SOS1: variants seen among roughly 807,000 people sequenced by gnomAD.
The protein encoded by SOS1 is son of sevenless homolog 1.
In SOS1, 25 loss-of-function variants were observed where a neutral mutation model predicts 157.6. The ratio of observed to expected loss-of-function variants is 0.16; its 90% CI spans 0.12 to 0.22. The LOEUF (loss-of-function observed/expected upper bound fraction) is 0.22, where lower values mean the gene tolerates loss of function less well. Ranked by LOEUF, SOS1 falls within the 10% of genes least tolerant of loss-of-function variation. SOS1 has a pLI of 1.00. For synonymous variants in SOS1, 528 were observed against 534.0 expected (o/e 0.99, Z 0.16); for missense variants, 1,237 against 1,599.1 (o/e 0.77, Z 3.86).
chr2:39,028,812 T>C (rs994611728), intron 8 of SOS1, among the ~76,000 whole-genome samples: 4 of 152,220 alleles, frequency 2.6e-5, no homozygotes, highest in Non-Finnish European at 5.9e-5. Flanking sequence ...ATTATATACA[T>C]AGAGCTCATC....
chr2:39,109,112 T>C (rs1183420015), intron 1 of SOS1, among the ~76,000 whole-genome samples: 3 of 152,108 alleles, frequency 2.0e-5, no homozygotes, highest in Non-Finnish European at 2.9e-5. Context: ...GGTGGGAGGA[T>C]TGCTGGACCC....
Position 39,105,232 on chromosome 2 carries a change from T to C in SOS1, c.87+15104A>G, listed in dbSNP as rs145721190. Among the ~76,000 whole-genome samples, 5 of 152,164 alleles carry C rather than the reference T, an allele frequency of 3.3e-5. No individual in the cohort carries two copies. The East Asian group carries it at 9.6e-4, about 29-fold the overall frequency. ...CTTACTACAAAAAGTTTGTATCAAT[T>C]AAAAACAACTTAAATTCTGTCAAGA... On this transcript the variant is annotated intron_variant, in intron 1 of 22. Transcript: ENST00000402219.
At chr2:39,045,249 A>AGAGG (rs1330838634) in intron 6 of SOS1, among the ~76,000 whole-genome samples, 346 of 26,598 alleles carry the variant, frequency 0.013, no homozygotes, top group African/African-American at 0.021. Context: ...AGAGGGAGAG[A>AGAGG]GAGAGAGAGA....
Position 39,083,573 on chromosome 2 carries a change from G to A in SOS1, c.88-15820C>T, listed in dbSNP as rs149046320. Among the ~76,000 whole-genome samples the A allele has an allele frequency of 7.8e-3, 1,195 of 152,248 alleles. 7 individuals are homozygous for A. The highest frequency in any genetic ancestry group is 0.014 in the Middle Eastern group (4 of 294). On this transcript the variant is annotated intron_variant, in intron 1 of 22. Transcript: ENST00000402219. Reference sequence around the variant, plus strand: ...GAGGAGTAGATGGGAGGAGAAAGATGGGAAGAGGGATCCTCAATATAGACT... The same window carrying A: ...GAGGAGTAGATGGGAGGAGAAAGATAGGAAGAGGGATCCTCAATATAGACT...
chr2:39,058,783 G>C lies in SOS1; in HGVS notation c.235C>G (p.Pro79Ala), dbSNP rs1671301191. 1 of 1,612,040 alleles carries C rather than the reference G, an allele frequency of 6.2e-7. No homozygotes were observed. Among genetic ancestry groups the C allele is most frequent in the Non-Finnish European group, 8.5e-7 (1 of 1,178,842 alleles). ...DVEERVQKSF[P>A]HPIDKWAIAD... The stretch of plus-strand genomic sequence containing the variant: ...ATTGCCCATTTATCAATTGGATGAG[G>C]GAAACTTTTTTGAACACGTTCCTTG... The change falls in exon 3 of 23, where the codon CCT (proline) becomes GCT (alanine). Residue 79 changes from proline to alanine, a missense_variant. Physicochemically the swap from Pro to Ala is conservative, Grantham distance 27 (BLOSUM62 -1). Transcript: ENST00000402219.
intron 3 of SOS1, among the ~76,000 whole-genome samples, chr2:39,058,055 CA>C (rs1180612555): frequency 6.6e-6 from 1 of 151,998 alleles, no homozygotes. Flanking sequence ...ATAGTATGTA[CA>C]AAATTACTGG....
intron 6 of SOS1, among the ~76,000 whole-genome samples, chr2:39,050,835 T>TGTG (rs1441668797): frequency 5.3e-5 from 8 of 152,208 alleles, no homozygotes; most frequent in Non-Finnish European, 8.8e-5. Flanking sequence ...GTGCAAGTTC[T>TGTG]GTGGTCTCTT....
In SOS1 at chr2:38,987,563, T is replaced by G; in HGVS notation, c.3420A>C (p.Leu1140Phe). 6.3e-7 allele frequency: 1 copy of G among 1,592,442 alleles called. No individual in the cohort carries two copies. The highest frequency in any genetic ancestry group is 8.6e-7 in the Non-Finnish European group (1 of 1,162,164). ...CAGGCACTTCATCAGTGCCTTTGGT[T>G]AAACTTATAGATGATACAGAAGCAG... The part of the protein sequence containing the change: ...PRSASVSSIS[L>F]TKGTDEVPVP... The change falls in exon 22 of 23, where the codon TTA (leucine) becomes TTC (phenylalanine). Residue 1140 changes from leucine to phenylalanine, a missense_variant. Leu to Phe is a conservative substitution (Grantham distance 22, BLOSUM62 0). Coordinates refer to ENST00000402219, the MANE Select transcript of SOS1 (RefSeq NM_005633.4).
At chr2:39,068,228 T>A (rs904568527) in intron 1 of SOS1, among the ~76,000 whole-genome samples, 6 of 152,236 alleles carry the variant, frequency 3.9e-5, no homozygotes, top group African/African-American at 1.4e-4. Context: ...CCCAGCCACA[T>A]GCTTATATGT....
intron 22 of SOS1, among the ~76,000 whole-genome samples, chr2:38,986,718 GA>G (rs990156006): frequency 8.6e-4 from 129 of 150,814 alleles, no homozygotes; most frequent in African/African-American, 3.1e-3. Flanking sequence ...TCAATTCATA[GA>G]AAAAAAAAGT....
intron 17 of SOS1, among the ~76,000 whole-genome samples, chr2:38,999,033 A>G (rs1172664415): frequency 2.0e-5 from 3 of 152,246 alleles, no homozygotes; most frequent in Non-Finnish European, 2.9e-5. Flanking sequence ...AATGCATAAC[A>G]TGCTATGAGA....
At chr2:39,007,276 A>C in intron 15 of SOS1, 83 bp from the exon 16 acceptor site, 2 of 915,474 alleles carry the variant, frequency 2.2e-6, no homozygotes, top group Non-Finnish European at 3.6e-6. Context: ...AAATAAAATA[A>C]TGTAGAGAGT....
At chr2:39,047,515 C>T (rs193005075) in intron 6 of SOS1, among the ~76,000 whole-genome samples, 2,521 of 152,230 alleles carry the variant, frequency 0.017, 27 homozygotes, top group Non-Finnish European at 0.023. Context: ...TCCATGGTTT[C>T]AAAATACATT....
At chr2:39,115,715 G>T (rs953948438) in intron 1 of SOS1, among the ~76,000 whole-genome samples, 8 of 152,172 alleles carry the variant, frequency 5.3e-5, no homozygotes, top group African/African-American at 1.9e-4. Flanking sequence ...TGGGATTACA[G>T]GTGTGAGCCA....
intron 6 of SOS1, among the ~76,000 whole-genome samples, chr2:39,039,861 CTT>C (rs1344789160): frequency 1.3e-5 from 2 of 152,142 alleles, no homozygotes; most frequent in African/African-American, 4.8e-5. Context: ...CATAAATCTA[CTT>C]TTTGTCTCCA....
chr2:39,015,977 TA>T (rs1030087784), intron 10 of SOS1, among the ~76,000 whole-genome samples: 6 of 151,938 alleles, frequency 3.9e-5, no homozygotes, highest in African/African-American at 1.4e-4. Flanking sequence ...CAAAGTTTTA[TA>T]AGAAGCACAA....
At chr2:38,995,419 T>TA (rs754925552) in intron 19 of SOS1, 32 bp from the exon 20 acceptor site, 46 of 1,582,638 alleles carry the variant, frequency 2.9e-5, no homozygotes, top group Middle Eastern at 1.7e-4. Context: ...CACAATACTT[T>TA]AAACACTGTA....
At chr2:38,997,108 T>A in intron 18 of SOS1, 70 bp from the exon 19 acceptor site, 1 of 1,073,456 alleles carries the variant, frequency 9.3e-7, no homozygotes, top group East Asian at 2.6e-5. Flanking sequence ...TCATGGAAAG[T>A]TAAGAAAACA....
At chr2:39,081,613 T>C (rs1672203418) in intron 1 of SOS1, among the ~76,000 whole-genome samples, 1 of 151,818 alleles carries the variant, frequency 6.6e-6, no homozygotes, top group Non-Finnish European at 1.5e-5. Context: ...TTACCTAAGG[T>C]TAAGAGTTCG....
Sources: gnomAD v4.1 joint callset for allele counts (sites outside exome capture counted in the v4.1 genomes callset) on GRCh38, gnomAD v4.1.1 for gene constraint, MANE v1.5 for transcripts, NCBI Gene and HGNC (gene_info 2026-07-23, HGNC 2026-07-21) for gene names.